KDM5A: variants seen among roughly 807,000 people sequenced by gnomAD.
KDM5A encodes the protein lysine demethylase 5A.
KDM5A carries 42 observed loss-of-function variants against 193.5 expected under a neutral mutation model. The ratio of observed to expected loss-of-function variants is 0.22; its 90% CI spans 0.17 to 0.28. The LOEUF is 0.28. KDM5A is among the 10% of genes least tolerant of loss of function. The probability of loss-of-function intolerance (pLI) is 1.00; values close to 1 mark genes in which losing one functional copy is unlikely to be tolerated. For synonymous variants in KDM5A, 796 were observed against 718.1 expected (o/e 1.11, Z -1.73); for missense variants, 1,692 against 2,055.1 (o/e 0.82, Z 3.42).
chr12:344,669 C>T (rs1328893597), intron 10 of KDM5A, among the ~76,000 whole-genome samples: 1 of 152,092 alleles, frequency 6.6e-6, no homozygotes, highest in Non-Finnish European at 1.5e-5. Context: ...CCAAACTAAG[C>T]CTCATAAGTG....
At chr12:350,542 A>T in intron 10 of KDM5A, 79 bp downstream of exon 10, 1 of 1,361,740 alleles carries the variant, frequency 7.3e-7, no homozygotes, top group Non-Finnish European at 1.1e-6. Context: ...ATTTTAAGTT[A>T]ATGTGATCCC....
chr12:389,067 A>G lies in KDM5A; in HGVS notation c.25T>C (p.Tyr9His). MAGVGPGG[Y>H]AAEFVPPPEC... The stretch of plus-strand genomic sequence containing the variant: ...GGCGGTGGCACGAACTCCGCCGCGT[A>G]GCCCCCCGGCCCCACGCCCGCCATT... The change falls in exon 1 of 28, where the codon TAC becomes CAC. Residue 9 changes from tyrosine to histidine, a missense_variant. Physicochemically the swap from Tyr to His is moderately conservative, Grantham distance 83. Coordinates refer to ENST00000399788, the MANE Select transcript of KDM5A (RefSeq NM_001042603.3). The G allele has an allele frequency of 1.6e-6, 2 of 1,226,016 alleles. No individual in the cohort carries two copies. 75.9% of individuals were successfully genotyped at this position (1,226,016 alleles called of 1,614,324 possible). A position where few individuals can be genotyped will look rare whatever the true frequency, so the allele number is the denominator to read the frequency against.
At chr12:322,229 C>A in intron 17 of KDM5A, 188 bp downstream of exon 17, 1 of 605,850 alleles carries the variant, frequency 1.7e-6, no homozygotes. Flanking sequence ...AGAGAAAGAA[C>A]ACTGCAGGCT....
chr12:357,338 CAAAA>C (rs35804849), intron 5 of KDM5A, among the ~76,000 whole-genome samples: 1 of 142,620 alleles, frequency 7.0e-6, no homozygotes, highest in African/African-American at 2.6e-5. Flanking sequence ...CCGTTTCTAC[CAAAA>C]AAAAAAAAAT....
At chr12:346,935 G>A (rs1565541181) in intron 10 of KDM5A, among the ~76,000 whole-genome samples, 1 of 152,084 alleles carries the variant, frequency 6.6e-6, no homozygotes, top group African/African-American at 2.4e-5. Flanking sequence ...GCAAGAGAAA[G>A]AAATAAAGGG....
chr12:292,867 T>C lies in KDM5A; in HGVS notation c.4758A>G (p.Lys1586=). 4 of 1,614,196 alleles carry C rather than the reference T, an allele frequency of 2.5e-6. No individual in the cohort carries two copies. Among genetic ancestry groups the C allele is most frequent in the Non-Finnish European group, 3.4e-6 (4 of 1,180,028 alleles). ...VKESTEKKRE[K]KVLDIPSKYD... is the part of the protein sequence containing the mutation. ...ACTTTGAGGGGATGTCCAGCACCTTTTTCTCTCTTTTCTTTTCAGTGCTCT... is the reference window on the plus strand; with the variant it reads ...ACTTTGAGGGGATGTCCAGCACCTTCTTCTCTCTTTTCTTTTCAGTGCTCT... The change falls in exon 27 of 28, where the codon AAA becomes AAG. Residue 1586 remains lysine (K), a synonymous_variant. Transcript: ENST00000399788.
rs751632954 is a variant in KDM5A, at chr12:318,364, AT to A, written c.2638del (p.Met880TrpfsTer15). ...GAGTTCCACATAGAGACTAGAGCCC[AT>A]ATCTATCAACATCTGGAGTTTGGAA... is the stretch of plus-strand genomic sequence containing the variant. ...DSSKLQMLID[M>X]GSSLYVELPE... On this transcript the variant is annotated frameshift_variant, in exon 19 of 28. Coordinates refer to ENST00000399788, the MANE Select transcript of KDM5A (RefSeq NM_001042603.3). LOFTEE classifies it high-confidence loss of function. 6.2e-7 allele frequency: 1 copy of A among 1,614,206 alleles called. No individual in the cohort carries two copies. Among genetic ancestry groups the A allele is most frequent in the South Asian group, 1.1e-5 (1 of 91,080 alleles).
At chr12:287,747 C>A (rs1442027546) in intron 27 of KDM5A, among the ~76,000 whole-genome samples, 1 of 152,144 alleles carries the variant, frequency 6.6e-6, no homozygotes, top group African/African-American at 2.4e-5. Context: ...ACACCTCCAA[C>A]CCTCTTTCTT....
rs763660644 is a variant in KDM5A at position 343,344 on chromosome 12, G to C, written c.1308+7277C>G. ...CTCTAGACTCCACCTCTCTGGGCAG[G>C]GCATGGCTGAACAAAAGGCAGCAGA... is the stretch of plus-strand genomic sequence containing the variant. On this transcript the variant is annotated intron_variant, in intron 10 of 27. Coordinates refer to ENST00000399788, the MANE Select transcript of KDM5A (RefSeq NM_001042603.3). 1.2e-3 allele frequency among the ~76,000 whole-genome samples: 178 copies of C among 152,186 alleles called. 4 individuals are homozygous for C. The highest frequency in any genetic ancestry group is 1.8e-4 in the Non-Finnish European group (12 of 68,032).
chr12:280,186 T>C lies in KDM5A; in HGVS notation c.*5270A>G. On this transcript the variant is annotated 3_prime_UTR_variant, in exon 28 of 28. Transcript: ENST00000399788. ...TTATTCACATAATATAGTATTTGAT[T>C]CCATTCTTTTGTACTGTTCCCTACT... is the stretch of plus-strand genomic sequence containing the variant. 1 of 232,646 alleles carries C rather than the reference T, an allele frequency of 4.3e-6. No individual in the cohort carries two copies. Among genetic ancestry groups the C allele is most frequent in the East Asian group, 6.1e-5 (1 of 16,488 alleles). The allele number at this position is 232,646 out of a possible 1,614,324, so 14.4% of individuals were successfully genotyped here.
chr12:317,080 C>T (rs548204704), intron 19 of KDM5A, among the ~76,000 whole-genome samples: 2 of 152,296 alleles, frequency 1.3e-5, no homozygotes, highest in African/African-American at 2.4e-5. Flanking sequence ...AATTTGCTGA[C>T]ATACAGTCAG....
chr12:384,553 G>T (rs777831247), intron 2 of KDM5A, among the ~76,000 whole-genome samples: 104 of 151,654 alleles, frequency 6.9e-4, no homozygotes, highest in Non-Finnish European at 8.4e-4. Context: ...GAAATTCAAA[G>T]ACTTTTTTTC....
intron 14 of KDM5A, 70 bp from the exon 15 acceptor site, chr12:323,851 A>C: frequency 7.8e-7 from 1 of 1,277,882 alleles, no homozygotes; most frequent in Non-Finnish European, 1.1e-6. Flanking sequence ...TTAAGTTACT[A>C]CATTTTTTTC....
At chr12:380,995 T>TA (rs1565553681) in intron 3 of KDM5A, among the ~76,000 whole-genome samples, 1 of 72,812 alleles carries the variant, frequency 1.4e-5, no homozygotes, top group Non-Finnish European at 3.3e-5. Flanking sequence ...AGGTTTTATT[T>TA]TATTTTTTTT....
At chr12:345,616 T>A (rs539695915) in intron 10 of KDM5A, among the ~76,000 whole-genome samples, 63 of 152,192 alleles carry the variant, frequency 4.1e-4, no homozygotes, top group African/African-American at 1.3e-3. Flanking sequence ...GAAACTCAAA[T>A]CAAAACCGCA....
intron 10 of KDM5A, among the ~76,000 whole-genome samples, chr12:349,721 T>G (rs1591925737): frequency 6.6e-6 from 1 of 152,062 alleles, no homozygotes; most frequent in East Asian, 1.9e-4. Flanking sequence ...TCCTTTTTTT[T>G]AAGAGACAGG....
chr12:389,071 C>A lies in KDM5A; in HGVS notation c.21G>T (p.Gly7=), dbSNP rs1944690622. Residue 7 remains glycine (G), a synonymous_variant, in exon 1 of 28, where the codon GGG becomes GGT. Coordinates refer to ENST00000399788, the MANE Select transcript of KDM5A (RefSeq NM_001042603.3). ...GTGGCACGAACTCCGCCGCGTAGCC[C>A]CCCGGCCCCACGCCCGCCATTGCAA... MAGVGP[G]GYAAEFVPPP... is the part of the protein sequence containing the mutation. 11 of 1,611,466 alleles carry A rather than the reference C, an allele frequency of 6.8e-6. No individual in the cohort carries two copies. The highest frequency in any genetic ancestry group is 8.5e-6 in the Non-Finnish European group (10 of 1,179,336).
intron 19 of KDM5A, among the ~76,000 whole-genome samples, chr12:315,260 C>T (rs561182419): frequency 1.3e-5 from 2 of 152,262 alleles, no homozygotes; most frequent in South Asian, 4.1e-4. Flanking sequence ...TTACACCTAT[C>T]GCAAAAAAGT....
rs1011961470 is a variant in KDM5A, at chr12:282,236, T to C, written c.*3220A>G. The stretch of plus-strand genomic sequence containing the variant: ...ACCAGGCGGGACTCAAACTCACAGG[T>C]TGAAGCAATCTTCCCACTTCAGCCT... On this transcript the variant is annotated 3_prime_UTR_variant, in exon 28 of 28. Transcript: ENST00000399788. The C allele has an allele frequency of 3.8e-5, 9 of 239,914 alleles. No individual in the cohort carries two copies. The highest frequency in any genetic ancestry group is 1.1e-4 in the African/African-American group (5 of 45,434). The allele number at this position is 239,914 out of a possible 1,614,324, so 14.9% of individuals were successfully genotyped here.
Sources: allele counts gnomAD v4.1 joint callset (sites outside exome capture counted in the v4.1 genomes callset), GRCh38; gene constraint gnomAD v4.1.1; transcripts MANE v1.5; gene names NCBI Gene and HGNC (gene_info 2026-07-23, HGNC 2026-07-21).